Variants in UMAD1 observed in about 807,000 individuals in gnomAD.
UMAD1 encodes UBAP1-MVB12-associated (UMA) domain containing 1.
In UMAD1, 8 loss-of-function variants were observed where a neutral mutation model predicts 6.1. The ratio of observed to expected loss-of-function variants is 1.30; its 90% confidence interval spans 0.76 to 2.35. The LOEUF is 2.35. UMAD1 is among the 30% of genes most tolerant of loss of function. The pLI is 0.00. For synonymous variants in UMAD1, 56 were observed against 31.4 expected (o/e 1.78, Z -2.61); for missense variants, 130 against 78.4 (o/e 1.66, Z -2.49).
At chr7:7,803,115 G>A (rs1782835672) in intron 3 of UMAD1, among the ~76,000 whole-genome samples, 1 of 152,304 alleles carries the variant, frequency 6.6e-6, no homozygotes, top group Non-Finnish European at 1.5e-5. Context: ...GGTGAAAATA[G>A]GACACAAGGA....
chr7:7,735,303 G>T (rs1292159903), intron 2 of UMAD1, among the ~76,000 whole-genome samples: 1 of 152,116 alleles, frequency 6.6e-6, no homozygotes, highest in Non-Finnish European at 1.5e-5. Flanking sequence ...TACAATATGT[G>T]CAGATACACA....
At chr7:7,744,672 G>A (rs1175874683) in intron 2 of UMAD1, among the ~76,000 whole-genome samples, 4 of 151,160 alleles carry the variant, frequency 2.6e-5, no homozygotes, top group African/African-American at 9.7e-5. Context: ...ACATTGACCT[G>A]ATGGCTAATG....
intron 3 of UMAD1, among the ~76,000 whole-genome samples, chr7:7,836,663 TA>T (rs1279394032): frequency 6.6e-6 from 1 of 151,890 alleles, no homozygotes; most frequent in Non-Finnish European, 1.5e-5. Flanking sequence ...TCATGAGAAT[TA>T]AAAATTAAGT....
At chr7:7,728,413 A>G (rs1212648841) in intron 2 of UMAD1, among the ~76,000 whole-genome samples, 1 of 152,182 alleles carries the variant, frequency 6.6e-6, no homozygotes, top group Non-Finnish European at 1.5e-5. Context: ...TGGGAGGCCA[A>G]GGTGGGCGGA....
intron 3 of UMAD1, among the ~76,000 whole-genome samples, chr7:7,865,693 A>G (rs549939527): frequency 6.6e-6 from 1 of 152,152 alleles, no homozygotes; most frequent in Non-Finnish European, 1.5e-5. Context: ...GTTGCTGTTC[A>G]TGTCCATTGT....
chr7:7,823,159 G>A (rs1563235426), intron 3 of UMAD1, among the ~76,000 whole-genome samples: 2 of 151,962 alleles, frequency 1.3e-5, no homozygotes, highest in African/African-American at 2.4e-5. Context: ...CTTTTATATT[G>A]TTGTGCTTCA....
rs541078119 is a variant in UMAD1 at position 7,645,595 on chromosome 7, T to C, written c.-64+4774T>C. 7.2e-5 allele frequency among the ~76,000 whole-genome samples: 11 copies of C among 152,306 alleles called. No individual in the cohort carries two copies. In the East Asian group the frequency reaches 2.1e-3, roughly 29 times the overall value. On this transcript the variant is annotated intron_variant, in intron 1 of 3. Transcript: ENST00000682710. ...AGTCCTTCCCAACTTGAATTTCTGT[T>C]TATTAGATTAAGGAATTTTCCTTCT...
intron 1 of UMAD1, among the ~76,000 whole-genome samples, chr7:7,662,679 G>C (rs1289468523): frequency 1.3e-5 from 2 of 152,132 alleles, no homozygotes; most frequent in Non-Finnish European, 2.9e-5. Flanking sequence ...GATGAGCCGG[G>C]TACCTCAGTT....
At chr7:7,867,926 A>C (rs1269086049) in intron 3 of UMAD1, among the ~76,000 whole-genome samples, 1 of 152,104 alleles carries the variant, frequency 6.6e-6, no homozygotes, top group Non-Finnish European at 1.5e-5. Context: ...AAGGGGTTGG[A>C]TACAAATGCA....
At chr7:7,731,368 A>G (rs1178452926) in intron 2 of UMAD1, among the ~76,000 whole-genome samples, 2 of 152,068 alleles carry the variant, frequency 1.3e-5, no homozygotes, top group Non-Finnish European at 2.9e-5. Flanking sequence ...GAAACAGGTT[A>G]GAGGACATTT....
chr7:7,641,704 C>T (rs558455310), intron 1 of UMAD1: 2 of 152,250 alleles, frequency 1.3e-5, no homozygotes, highest in African/African-American at 4.8e-5. Flanking sequence ...TACCTTCAAA[C>T]GGTACGGTGG....
chr7:7,676,201 C>T (rs931642216), intron 2 of UMAD1: 1 of 398,652 alleles, frequency 2.5e-6, no homozygotes. Context: ...ACTCTCTACC[C>T]TTGGCAGGTT....
At chr7:7,703,047 G>A (rs1246462007) in intron 2 of UMAD1, among the ~76,000 whole-genome samples, 1 of 152,188 alleles carries the variant, frequency 6.6e-6, no homozygotes, top group Non-Finnish European at 1.5e-5. Flanking sequence ...TAGTCTTCTA[G>A]TTAGTACTAC....
At chr7:7,855,215 G>A (rs1783993375) in intron 3 of UMAD1, among the ~76,000 whole-genome samples, 1 of 152,188 alleles carries the variant, frequency 6.6e-6, no homozygotes, top group Admixed American at 6.5e-5. Context: ...GGGGTCTGGA[G>A]GATCGTGGTT....
intron 3 of UMAD1, among the ~76,000 whole-genome samples, chr7:7,874,685 C>G (rs1005721212): frequency 6.6e-6 from 1 of 152,036 alleles, no homozygotes; most frequent in African/African-American, 2.4e-5. Context: ...GACATTCCAG[C>G]CTGGGTGACA....
chr7:7,714,415 T>C (rs931947688), intron 2 of UMAD1, among the ~76,000 whole-genome samples: 1 of 152,248 alleles, frequency 6.6e-6, no homozygotes, highest in African/African-American at 2.4e-5. Flanking sequence ...AATTAAAATA[T>C]GAATTAAGAG....
At chr7:7,643,468 T>C (rs1785021163) in intron 1 of UMAD1, among the ~76,000 whole-genome samples, 1 of 152,178 alleles carries the variant, frequency 6.6e-6, no homozygotes, top group South Asian at 2.1e-4. Flanking sequence ...CCCAGCACTT[T>C]GGGAGGCTGA....
At chr7:7,816,214 A>C (rs1783122942) in intron 3 of UMAD1, among the ~76,000 whole-genome samples, 1 of 152,128 alleles carries the variant, frequency 6.6e-6, no homozygotes, top group Admixed American at 6.5e-5. Context: ...CATTAATGGA[A>C]CCGGAATTGA....
In UMAD1 at chr7:7,769,447, C is replaced by G. The variant is rs543100540; in HGVS notation, c.83-32223C>G. Among the ~76,000 whole-genome samples, 3 of 151,954 alleles carry G rather than the reference C, an allele frequency of 2.0e-5. No homozygotes were observed. In the East Asian group the frequency reaches 5.8e-4, roughly 29 times the overall value. ...GGGTGGAGGGGATGCTTGATGATAC[C>G]CATTATCCCCTTTTCTTCATGCGCC... On this transcript the variant is annotated intron_variant, in intron 2 of 3. Coordinates refer to ENST00000682710, the MANE Select transcript of UMAD1 (RefSeq NM_001302348.2).
Sources: gnomAD v4.1 joint callset for allele counts (sites outside exome capture counted in the v4.1 genomes callset) on GRCh38, gnomAD v4.1.1 for gene constraint, MANE v1.5 for transcripts, NCBI Gene and HGNC (gene_info 2026-07-23, HGNC 2026-07-21) for gene names.